The following FCHSD2 variants were observed in gnomAD, a reference collection of about 807,000 sequenced individuals.
FCHSD2 encodes FCH and double SH3 domains 2, also known as F-BAR and double SH3 domains protein 2.
FCHSD2 carries 38 observed loss-of-function variants against 108.1 expected under a neutral mutation model. That is an observed-to-expected ratio of 0.35 (90% confidence interval 0.27 to 0.46). The LOEUF is 0.46. Ranked by LOEUF, FCHSD2 falls within the 20% of genes least tolerant of loss-of-function variation. The probability of loss-of-function intolerance (pLI) is 1.00; values close to 1 mark genes in which losing one functional copy is unlikely to be tolerated. For synonymous variants in FCHSD2, 279 were observed against 314.7 expected, an observed-to-expected ratio of 0.89 and a Z score of 1.20; for missense variants, 751 against 897.8, an observed-to-expected ratio of 0.84 and a Z score of 2.09.
At chr11:73,100,921 T>C (rs1282661099) in intron 2 of FCHSD2, among the ~76,000 whole-genome samples, 2 of 152,036 alleles carry the variant, frequency 1.3e-5, no homozygotes, top group Non-Finnish European at 2.9e-5. Flanking sequence ...TTGGCTTCTG[T>C]CTGACAACCC....
At chr11:73,094,614 C>G (rs1312952477) in intron 2 of FCHSD2, among the ~76,000 whole-genome samples, 1 of 152,094 alleles carries the variant, frequency 6.6e-6, no homozygotes, top group South Asian at 2.1e-4. Context: ...ATTTTTGCTA[C>G]GATACTTGAC....
chr11:72,841,246 A>G (rs1007623683), intron 18 of FCHSD2, among the ~76,000 whole-genome samples: 1 of 147,008 alleles, frequency 6.8e-6, no homozygotes, highest in Non-Finnish European at 1.5e-5. Context: ...AGGCAGGAGG[A>G]TCACTTGAGC....
At chr11:72,970,381 A>G (rs1392924811) in intron 8 of FCHSD2, among the ~76,000 whole-genome samples, 2 of 152,242 alleles carry the variant, frequency 1.3e-5, no homozygotes, top group Non-Finnish European at 2.9e-5. Flanking sequence ...AAAGCCCTAC[A>G]ATAAAAGGTA....
intron 3 of FCHSD2, among the ~76,000 whole-genome samples, chr11:73,077,954 A>C (rs1205387702): frequency 6.6e-6 from 1 of 152,148 alleles, no homozygotes; most frequent in African/African-American, 2.4e-5. Context: ...TTCCTTGAGT[A>C]AGAGTGAGGG....
intron 2 of FCHSD2, among the ~76,000 whole-genome samples, chr11:73,138,970 T>C (rs1861185372): frequency 6.6e-6 from 1 of 152,126 alleles, no homozygotes; most frequent in South Asian, 2.1e-4. Flanking sequence ...GGAAGACAAA[T>C]ACAGAATTAA....
chr11:73,059,673 C>T (rs1482891198), intron 3 of FCHSD2, among the ~76,000 whole-genome samples: 1 of 152,114 alleles, frequency 6.6e-6, no homozygotes, highest in Non-Finnish European at 1.5e-5. Context: ...TCCTGAGAAA[C>T]CGGCTAATAA....
intron 2 of FCHSD2, among the ~76,000 whole-genome samples, chr11:73,108,001 C>T (rs1290769099): frequency 6.6e-6 from 1 of 152,178 alleles, no homozygotes; most frequent in Non-Finnish European, 1.5e-5. Context: ...AATTATTCTC[C>T]ATAGTTGTTG....
intron 3 of FCHSD2, among the ~76,000 whole-genome samples, chr11:73,061,104 G>GC (rs1859149723): frequency 6.6e-6 from 1 of 152,228 alleles, no homozygotes; most frequent in Non-Finnish European, 1.5e-5. Context: ...ATGTCCAACT[G>GC]AGGTACCTGG....
intron 12 of FCHSD2, among the ~76,000 whole-genome samples, chr11:72,871,919 T>C (rs1854868055): frequency 6.6e-6 from 1 of 152,086 alleles, no homozygotes; most frequent in Non-Finnish European, 1.5e-5. Context: ...TCCCTCCGAA[T>C]TCTCTGCTTG....
rs1861259580 is a variant in FCHSD2 at position 73,141,954 on chromosome 11, G to C, written c.-77C>G. ...GAGGAGGAGGAGGGCCGGAGAGGAG[G>C]GGACGGCCCAGCGAGCGCGCGCGTG... On this transcript the variant is annotated 5_prime_UTR_variant, in exon 1 of 20. Transcript: ENST00000409418. 6 of 1,426,320 alleles carry C rather than the reference G, an allele frequency of 4.2e-6. No homozygotes were observed. The highest frequency in any genetic ancestry group is 2.2e-5 in the Admixed American group (1 of 45,600). The allele number at this position is 1,426,320 out of a possible 1,614,324, so 88.4% of individuals were successfully genotyped here. A position where few individuals can be genotyped will look rare whatever the true frequency, so the allele number is the denominator to read the frequency against.
At chr11:73,039,612 T>C (rs929788354) in intron 3 of FCHSD2, among the ~76,000 whole-genome samples, 2 of 152,124 alleles carry the variant, frequency 1.3e-5, no homozygotes, top group Non-Finnish European at 2.9e-5. Context: ...GTATTCATTA[T>C]AGGTTAAATG....
chr11:73,062,756 C>CAAAG (rs2135489603), intron 3 of FCHSD2, among the ~76,000 whole-genome samples: 1 of 152,078 alleles, frequency 6.6e-6, no homozygotes, highest in South Asian at 2.1e-4. Context: ...ATAAAAAGGA[C>CAAAG]GAACAAAGCT....
At position 73,099,924 on chromosome 11, in the gene FCHSD2, C is replaced by T. The variant is rs188497795; in HGVS notation, c.120-16184G>A. On this transcript the variant is annotated intron_variant, in intron 2 of 19. Coordinates refer to ENST00000409418, the MANE Select transcript of FCHSD2 (RefSeq NM_014824.3). ...CTTGCCTCTGCCCGTCCCTATCCCCCACTAATGAGGCCTTTCCCGAGCTCT... is the reference window on the plus strand; with the variant it reads ...CTTGCCTCTGCCCGTCCCTATCCCCTACTAATGAGGCCTTTCCCGAGCTCT... Among the ~76,000 whole-genome samples the T allele has an allele frequency of 1.2e-3, 179 of 152,368 alleles. 1 individual carries two copies. The highest frequency in any genetic ancestry group is 4.1e-3 in the African/African-American group (172 of 41,586).
At chr11:72,906,831 G>A (rs1441202300) in intron 9 of FCHSD2, among the ~76,000 whole-genome samples, 1 of 152,188 alleles carries the variant, frequency 6.6e-6, no homozygotes, top group African/African-American at 2.4e-5. Context: ...CTGTAGCCTT[G>A]TAGTATAGTT....
intron 3 of FCHSD2, among the ~76,000 whole-genome samples, chr11:73,080,774 T>C (rs1859665330): frequency 6.6e-6 from 1 of 151,930 alleles, no homozygotes; most frequent in Admixed American, 6.6e-5. Context: ...TGAAACCCCA[T>C]CTCTACTAAA....
chr11:72,849,017 G>C (rs1225793333), intron 14 of FCHSD2, among the ~76,000 whole-genome samples: 1 of 152,148 alleles, frequency 6.6e-6, no homozygotes, highest in African/African-American at 2.4e-5. Context: ...CTCAAAACAA[G>C]TCTGGGAATC....
intron 3 of FCHSD2, among the ~76,000 whole-genome samples, chr11:73,053,903 T>C (rs1382943462): frequency 6.6e-6 from 1 of 152,226 alleles, no homozygotes; most frequent in East Asian, 1.9e-4. Flanking sequence ...TAACTTGTTG[T>C]CTGTAATCTA....
At chr11:72,925,476 T>C (rs1856057725) in intron 8 of FCHSD2, among the ~76,000 whole-genome samples, 1 of 152,150 alleles carries the variant, frequency 6.6e-6, no homozygotes, top group Admixed American at 6.6e-5. Context: ...CAGTGATCTA[T>C]GATCGTGCCA....
intron 3 of FCHSD2, among the ~76,000 whole-genome samples, chr11:73,060,876 C>G (rs1859142539): frequency 6.6e-6 from 1 of 152,124 alleles, no homozygotes; most frequent in Non-Finnish European, 1.5e-5. Flanking sequence ...GAGCCAGGTT[C>G]ATAGCTTGAA....
Sources: allele counts gnomAD v4.1 joint callset (sites outside exome capture counted in the v4.1 genomes callset), GRCh38; gene constraint gnomAD v4.1.1; transcripts MANE v1.5; gene names NCBI Gene and HGNC (gene_info 2026-07-23, HGNC 2026-07-21).